Variants in TFCP2L1 observed in about 807,000 individuals in gnomAD.
TFCP2L1 encodes transcription factor CP2-like protein 1.
In TFCP2L1, 12 loss-of-function variants were observed where a neutral mutation model predicts 72.2. The observed-to-expected ratio is 0.17, with a 90% CI of 0.11 to 0.27. TFCP2L1 has a LOEUF of 0.27. Among genes scored for constraint, TFCP2L1 ranks in the 10% least tolerant of loss-of-function variants. TFCP2L1 has a pLI of 1.00. For synonymous variants in TFCP2L1, 260 were observed against 251.0 expected, an observed-to-expected ratio of 1.04 and a Z score of -0.34; for missense variants, 488 against 624.6, an observed-to-expected ratio of 0.78 and a Z score of 2.33.
chr2:121,251,260 GA>G lies in TFCP2L1; in HGVS notation c.215-1614del, dbSNP rs879262627. Among the ~76,000 whole-genome samples, 239 of 135,402 alleles carry G rather than the reference GA, an allele frequency of 1.8e-3. 1 individual carries two copies. Among genetic ancestry groups the G allele is most frequent in the African/African-American group, 3.8e-3 (142 of 36,994 alleles). 88.8% of individuals were successfully genotyped at this position (135,402 alleles called of 152,430 possible). A position where few individuals can be genotyped will look rare whatever the true frequency, so the allele number is the denominator to read the frequency against. ...GAGAGAGTGAGACTTGGTCTCAAAA[GA>G]AAAAAAAAAAAAGTACATTAAAGTC... is the stretch of plus-strand genomic sequence containing the variant. On this transcript the variant is annotated intron_variant, in intron 2 of 14. Coordinates refer to ENST00000263707, the MANE Select transcript of TFCP2L1 (RefSeq NM_014553.3).
chr2:121,238,641 A>G (rs866069238), intron 8 of TFCP2L1, among the ~76,000 whole-genome samples: 1 of 152,176 alleles, frequency 6.6e-6, no homozygotes, highest in South Asian at 2.1e-4. Flanking sequence ...CCAAGTGTCT[A>G]CAGGGTGCAA....
intron 2 of TFCP2L1, among the ~76,000 whole-genome samples, chr2:121,254,706 G>A (rs899758855): frequency 1.3e-5 from 2 of 152,160 alleles, no homozygotes; most frequent in African/African-American, 4.8e-5. Context: ...AGGAGGCTGG[G>A]GCAAGAGAGT....
intron 2 of TFCP2L1, among the ~76,000 whole-genome samples, chr2:121,263,622 C>CCAAGTGTGGAGACAGGTG (rs1686870401): frequency 6.6e-6 from 1 of 152,144 alleles, no homozygotes; most frequent in Non-Finnish European, 1.5e-5. Context: ...GTTGACAATG[C>CCAAGTGTGGAGACAGGTG]CAAGTGTGGA....
intron 14 of TFCP2L1, among the ~76,000 whole-genome samples, chr2:121,224,603 C>T (rs1685986440): frequency 6.6e-6 from 1 of 152,180 alleles, no homozygotes; most frequent in Non-Finnish European, 1.5e-5. Context: ...ACCATAGCCC[C>T]AGGCCCAAGG....
intron 2 of TFCP2L1, among the ~76,000 whole-genome samples, chr2:121,266,045 T>G (rs1425883084): frequency 6.6e-6 from 1 of 152,058 alleles, no homozygotes; most frequent in East Asian, 1.9e-4. Flanking sequence ...TTTATATTTT[T>G]GGTAGAGATG....
In TFCP2L1 at chr2:121,224,175, T is replaced by G. The variant is rs1685977882; in HGVS notation, c.*166A>C. On this transcript the variant is annotated 3_prime_UTR_variant, in exon 15 of 15. Transcript: ENST00000263707. ...GGCTTTCTGTACACCGTACTTGGTGTCCACAGGCTTCTGCTGGTTGGTGCT... is the reference window on the plus strand; with the variant it reads ...GGCTTTCTGTACACCGTACTTGGTGGCCACAGGCTTCTGCTGGTTGGTGCT... 5.9e-6 allele frequency: 4 copies of G among 681,694 alleles called. No individual in the cohort carries two copies. The South Asian group carries it at 7.5e-5, about 13-fold the overall frequency. 42.2% of individuals were successfully genotyped at this position (681,694 alleles called of 1,614,324 possible).
At chr2:121,245,721 C>T (rs1467181356) in intron 6 of TFCP2L1, among the ~76,000 whole-genome samples, 2 of 152,230 alleles carry the variant, frequency 1.3e-5, no homozygotes, top group African/African-American at 2.4e-5. Flanking sequence ...GCCCAGTGCT[C>T]ACTGTGGGCC....
chr2:121,239,803 G>A (rs900541416), intron 7 of TFCP2L1, among the ~76,000 whole-genome samples, 154 bp from the exon 8 acceptor site: 1 of 152,200 alleles, frequency 6.6e-6, no homozygotes, highest in South Asian at 2.1e-4. Context: ...GTGAGCCACG[G>A]CAAGGCAGGT....
At chr2:121,240,251 G>C (rs1686341679) in intron 7 of TFCP2L1, 1 of 985,244 alleles carries the variant, frequency 1.0e-6, no homozygotes, top group African/African-American at 1.7e-5. Flanking sequence ...TGAAAGATGT[G>C]ATCCTTGCCC....
intron 2 of TFCP2L1, among the ~76,000 whole-genome samples, chr2:121,276,246 G>A (rs1250059464): frequency 6.7e-6 from 1 of 149,336 alleles, no homozygotes; most frequent in African/African-American, 2.5e-5. Context: ...GCCCCAGTGT[G>A]TGATCTCCCC....
At chr2:121,233,570 G>A (rs1686186641) in intron 12 of TFCP2L1, among the ~76,000 whole-genome samples, 1 of 152,146 alleles carries the variant, frequency 6.6e-6, no homozygotes, top group Admixed American at 6.5e-5. Flanking sequence ...GGAATTACAG[G>A]TATGAACCAC....
At chr2:121,261,887 G>C (rs915321767) in intron 2 of TFCP2L1, among the ~76,000 whole-genome samples, 1 of 152,134 alleles carries the variant, frequency 6.6e-6, no homozygotes, top group African/African-American at 2.4e-5. Flanking sequence ...AGCAAAAGAC[G>C]TATCAGCACC....
chr2:121,280,997 T>C (rs1687245524), intron 2 of TFCP2L1, 123 bp downstream of exon 2: 3 of 1,261,372 alleles, frequency 2.4e-6, no homozygotes, highest in Non-Finnish European at 3.3e-6. Flanking sequence ...CTGTTCTCTT[T>C]CCCGAGCCCG....
At chr2:121,249,142 C>A in intron 3 of TFCP2L1, 55 bp from the exon 4 acceptor site, 1 of 1,331,060 alleles carries the variant, frequency 7.5e-7, no homozygotes, top group East Asian at 2.7e-5. Flanking sequence ...AAGAGGAACC[C>A]ACCTCTTTTC....
At chr2:121,271,609 T>C (rs1245003120) in intron 2 of TFCP2L1, among the ~76,000 whole-genome samples, 1 of 152,234 alleles carries the variant, frequency 6.6e-6, no homozygotes, top group African/African-American at 2.4e-5. Flanking sequence ...TTTGCCTCAT[T>C]CCTTAAATTC....
chr2:121,256,188 C>T (rs1473463550), intron 2 of TFCP2L1, among the ~76,000 whole-genome samples: 1 of 152,204 alleles, frequency 6.6e-6, no homozygotes, highest in East Asian at 1.9e-4. Context: ...GAATGTGTAA[C>T]CATGCCGTGG....
At chr2:121,247,103 T>C (rs567561415) in intron 5 of TFCP2L1, 133 bp from the exon 6 acceptor site, 2 of 1,049,626 alleles carry the variant, frequency 1.9e-6, no homozygotes, top group African/African-American at 3.2e-5. Flanking sequence ...CTCCCTGCTT[T>C]CCCTGACACT....
intron 2 of TFCP2L1, among the ~76,000 whole-genome samples, chr2:121,264,410 C>A (rs1357229121): frequency 6.6e-6 from 1 of 152,184 alleles, no homozygotes; most frequent in African/African-American, 2.4e-5. Context: ...ATGGGGAAGG[C>A]GGGGACAGCC....
In TFCP2L1 at chr2:121,218,537, G is replaced by C. The variant is rs887366117; in HGVS notation, c.*5804C>G. 1.3e-5 allele frequency: 2 copies of C among 152,348 alleles called. No homozygotes were observed. Among genetic ancestry groups the C allele is most frequent in the Non-Finnish European group, 2.9e-5 (2 of 68,160 alleles). The allele number at this position is 152,348 out of a possible 1,614,324, so 9.4% of individuals were successfully genotyped here. On this transcript the variant is annotated 3_prime_UTR_variant, in exon 15 of 15. Transcript: ENST00000263707. ...TGCTGCCCACCTCAGGGCTCCTCAG[G>C]ACGAAGGGCATGAGGACAGGTTCCC...
Sources: allele counts gnomAD v4.1 joint callset (sites outside exome capture counted in the v4.1 genomes callset), GRCh38; gene constraint gnomAD v4.1.1; transcripts MANE v1.5; gene names NCBI Gene and HGNC (gene_info 2026-07-23, HGNC 2026-07-21).